The following SPACA7 variants were observed in gnomAD, a reference collection of about 807,000 sequenced individuals.
SPACA7 encodes sperm acrosome associated 7.
A neutral mutation model predicts 26.3 loss-of-function variants in SPACA7; 19 were observed. That is an observed-to-expected ratio of 0.72 (90% CI 0.50 to 1.06). SPACA7 has a LOEUF of 1.06. Among genes scored for constraint, SPACA7 ranks in the 50% least tolerant of loss-of-function variants. The pLI is 0.00. For missense variants in SPACA7, 211 were observed against 229.9 expected (o/e 0.92, Z 0.53); for synonymous variants, 84 against 84.5 (o/e 0.99, Z 0.04).
chr13:112,382,331 C>A, intron 1 of SPACA7: 1 of 1,284,432 alleles, frequency 7.8e-7, no homozygotes, highest in Non-Finnish European at 1.0e-6. Flanking sequence ...ATTTCTTGAC[C>A]TCATGGTCCG....
At chr13:112,434,352 C>A in intron 6 of SPACA7, 133 bp from the exon 7 acceptor site, 1 of 748,314 alleles carries the variant, frequency 1.3e-6, no homozygotes, top group Non-Finnish European at 2.3e-6. Context: ...CAGACACATC[C>A]GCAGGGCTCT....
chr13:112,388,789 A>G (rs1403556696), intron 1 of SPACA7, among the ~76,000 whole-genome samples: 1 of 152,216 alleles, frequency 6.6e-6, no homozygotes, highest in African/African-American at 2.4e-5. Context: ...CATTCGGGAA[A>G]CAGAGTTTTT....
chr13:112,399,198 C>A, intron 4 of SPACA7, 25 bp downstream of exon 4: 1 of 1,219,632 alleles, frequency 8.2e-7, no homozygotes, highest in African/African-American at 1.5e-5. Context: ...GTAATTACCC[C>A]TTCCCAAGTC....
intron 5 of SPACA7, among the ~76,000 whole-genome samples, chr13:112,408,631 A>G (rs982188725): frequency 6.6e-6 from 1 of 152,082 alleles, no homozygotes; most frequent in Non-Finnish European, 1.5e-5. Flanking sequence ...TGCTTCAAAG[A>G]GAATAAAATA....
At chr13:112,428,550 G>A (rs769085320) in intron 5 of SPACA7, among the ~76,000 whole-genome samples, 13 of 151,926 alleles carry the variant, frequency 8.6e-5, no homozygotes, top group East Asian at 3.9e-4. Context: ...ACTGCACTCC[G>A]GTCTGGGTGA....
intron 5 of SPACA7, among the ~76,000 whole-genome samples, chr13:112,413,896 A>C (rs1041040386): frequency 6.6e-6 from 1 of 152,212 alleles, no homozygotes; most frequent in Admixed American, 6.5e-5. Flanking sequence ...CAGGCTGTAC[A>C]GGAAGCATGG....
chr13:112,379,253 CG>C lies in SPACA7; in HGVS notation c.94+2775del, dbSNP rs541409813. On this transcript the variant is annotated intron_variant, in intron 1 of 6. Coordinates refer to ENST00000283550, the MANE Select transcript of SPACA7 (RefSeq NM_145248.5). The stretch of plus-strand genomic sequence containing the variant: ...CAGTCTAATAGTGCAATCTTAGAGG[CG>C]TCAGAAACCTTACTCCAGAGTACTT... Among the ~76,000 whole-genome samples the C allele has an allele frequency of 2.6e-4, 40 of 152,238 alleles. No individual in the cohort carries two copies. The South Asian group carries it at 8.3e-3, about 32-fold the overall frequency.
chr13:112,389,502 T>C (rs1311279821), intron 1 of SPACA7, among the ~76,000 whole-genome samples: 3 of 152,274 alleles, frequency 2.0e-5, no homozygotes, highest in African/African-American at 4.8e-5. Context: ...ATCCTAGTAA[T>C]GTAAACTTAA....
intron 5 of SPACA7, among the ~76,000 whole-genome samples, chr13:112,422,109 G>GA (rs956594442): frequency 1.3e-5 from 2 of 151,534 alleles, no homozygotes; most frequent in Non-Finnish European, 2.9e-5. Context: ...GAAAACTTTA[G>GA]AAAAAAAAGA....
chr13:112,409,329 C>T (rs1886194709), intron 5 of SPACA7, among the ~76,000 whole-genome samples: 1 of 152,124 alleles, frequency 6.6e-6, no homozygotes, highest in African/African-American at 2.4e-5. Flanking sequence ...TCTAAAACAC[C>T]AAAAGCAATG....
intron 1 of SPACA7, among the ~76,000 whole-genome samples, chr13:112,391,952 G>A (rs115092016): frequency 1.8e-3 from 271 of 152,276 alleles, no homozygotes; most frequent in African/African-American, 6.3e-3. Context: ...CTGCATGTGC[G>A]CAGACGAGTC....
chr13:112,408,304 G>T, intron 5 of SPACA7, among the ~76,000 whole-genome samples: 1 of 152,074 alleles, frequency 6.6e-6, no homozygotes, highest in East Asian at 1.9e-4. Flanking sequence ...TTTGAAAACT[G>T]GCACAAGACA....
chr13:112,433,056 G>A (rs919525090), intron 6 of SPACA7, among the ~76,000 whole-genome samples: 2 of 152,116 alleles, frequency 1.3e-5, no homozygotes, highest in African/African-American at 4.8e-5. Context: ...TCTCCTAGGA[G>A]CTTTCCAGAA....
intron 1 of SPACA7, among the ~76,000 whole-genome samples, chr13:112,388,196 C>T (rs780219593): frequency 4.7e-4 from 71 of 152,270 alleles, no homozygotes; most frequent in Admixed American, 1.2e-3. Flanking sequence ...CTAAGAACTC[C>T]AAGAGTATCC....
intron 1 of SPACA7, among the ~76,000 whole-genome samples, chr13:112,386,260 CAA>C (rs1387802545): frequency 3.9e-5 from 6 of 152,172 alleles, no homozygotes; most frequent in Admixed American, 2.6e-4. Context: ...TCCAAGTAGG[CAA>C]AGAGTCAAGT....
intron 5 of SPACA7, among the ~76,000 whole-genome samples, chr13:112,420,104 G>A (rs547574672): frequency 2.0e-5 from 3 of 152,292 alleles, no homozygotes; most frequent in South Asian, 4.1e-4. Flanking sequence ...ATGGCATGAC[G>A]AAAGAAGAGG....
At chr13:112,394,325 C>CT (rs1377845852) in intron 2 of SPACA7, among the ~76,000 whole-genome samples, 1 of 151,940 alleles carries the variant, frequency 6.6e-6, no homozygotes, top group Non-Finnish European at 1.5e-5. Context: ...CAGGACCTCT[C>CT]TGCCAGCATT....
At chr13:112,412,337 T>C (rs1886404037) in intron 5 of SPACA7, among the ~76,000 whole-genome samples, 1 of 152,118 alleles carries the variant, frequency 6.6e-6, no homozygotes, top group Non-Finnish European at 1.5e-5. Flanking sequence ...GTTCCTTATA[T>C]ATTCTGATAT....
At chr13:112,394,623 C>T (rs556317923) in intron 2 of SPACA7, among the ~76,000 whole-genome samples, 6 of 152,268 alleles carry the variant, frequency 3.9e-5, no homozygotes, top group African/African-American at 9.6e-5. Flanking sequence ...TTCCCATTCT[C>T]GCTCCTGCCG....
Sources: gnomAD v4.1 joint callset for allele counts (sites outside exome capture counted in the v4.1 genomes callset) on GRCh38, gnomAD v4.1.1 for gene constraint, MANE v1.5 for transcripts, NCBI Gene and HGNC (gene_info 2026-07-23, HGNC 2026-07-21) for gene names.